The following FGF14 variants were observed in gnomAD, a reference collection of about 807,000 sequenced individuals.
The protein encoded by FGF14 is fibroblast growth factor homologous factor 4.
In FGF14, 5 loss-of-function variants were observed where a neutral mutation model predicts 25.5. That is an observed-to-expected ratio of 0.20 (90% CI 0.10 to 0.41). The LOEUF is 0.41. FGF14 is among the 10% of genes least tolerant of loss of function. The pLI, the probability that FGF14 is intolerant of heterozygous loss-of-function variation, is 1.00. For missense variants in FGF14, 222 were observed against 320.1 expected (o/e 0.69, Z 2.34); for synonymous variants, 138 against 118.3 (o/e 1.17, Z -1.08).
chr13:101,796,449 T>C (rs2040527582), intron 3 of FGF14, among the ~76,000 whole-genome samples: 1 of 151,964 alleles, frequency 6.6e-6, no homozygotes, highest in Admixed American at 6.6e-5. Context: ...TATTTTGTTT[T>C]TGTGGCCTCT....
intron 1 of FGF14, among the ~76,000 whole-genome samples, chr13:102,015,797 G>GA (rs958591756): frequency 2.6e-5 from 4 of 151,678 alleles, no homozygotes; most frequent in Non-Finnish European, 4.4e-5. Flanking sequence ...TACCTAAATA[G>GA]AAAAAAAATC....
At chr13:101,911,239 G>A (rs962795461) in intron 1 of FGF14, among the ~76,000 whole-genome samples, 2 of 152,046 alleles carry the variant, frequency 1.3e-5, no homozygotes, top group African/African-American at 2.4e-5. Flanking sequence ...GGGGCTAAAT[G>A]TAAAAGTATT....
chr13:102,179,554 C>T (rs1371220874), intron 1 of FGF14, among the ~76,000 whole-genome samples: 1 of 152,072 alleles, frequency 6.6e-6, no homozygotes, highest in Non-Finnish European at 1.5e-5. Context: ...TTATATAATG[C>T]TTATTATGCA....
chr13:102,203,794 A>C (rs2049781162), intron 1 of FGF14, among the ~76,000 whole-genome samples: 1 of 152,316 alleles, frequency 6.6e-6, no homozygotes, highest in African/African-American at 2.4e-5. Context: ...TTTGACACCA[A>C]TTTGCATTAG....
chr13:102,209,107 AG>A (rs1178384536), intron 1 of FGF14, among the ~76,000 whole-genome samples: 1 of 152,212 alleles, frequency 6.6e-6, no homozygotes, highest in East Asian at 1.9e-4. Flanking sequence ...GACTGGGTGG[AG>A]GGGAAAGCTC....
intron 1 of FGF14, among the ~76,000 whole-genome samples, chr13:102,058,342 G>T (rs368417963): frequency 1.8e-4 from 28 of 152,274 alleles, no homozygotes; most frequent in African/African-American, 6.3e-4. Context: ...CACAAAGAAG[G>T]CATCTAGTTT....
chr13:102,034,516 C>T (rs182143684), intron 1 of FGF14, among the ~76,000 whole-genome samples: 1 of 152,230 alleles, frequency 6.6e-6, no homozygotes, highest in Admixed American at 6.5e-5. Context: ...CCGACTAGAG[C>T]TGCAATGAAG....
intron 1 of FGF14, among the ~76,000 whole-genome samples, chr13:102,221,604 G>T (rs1230312961): frequency 7.9e-6 from 1 of 126,526 alleles, no homozygotes; most frequent in Non-Finnish European, 1.6e-5. Context: ...TGATATGAAT[G>T]ACATCACACA....
chr13:101,758,728 T>G (rs530427559), intron 3 of FGF14, among the ~76,000 whole-genome samples: 1 of 152,268 alleles, frequency 6.6e-6, no homozygotes, highest in South Asian at 2.1e-4. Flanking sequence ...GGATGTAACA[T>G]CCTACAGGAA....
chr13:102,237,347 G>T (rs1016405949), intron 1 of FGF14, among the ~76,000 whole-genome samples: 2 of 152,176 alleles, frequency 1.3e-5, no homozygotes, highest in African/African-American at 4.8e-5. Context: ...GTAGGGGATT[G>T]AGCCGGGTAT....
chr13:102,178,106 C>T (rs532949741), intron 1 of FGF14, among the ~76,000 whole-genome samples: 15 of 152,178 alleles, frequency 9.9e-5, no homozygotes, highest in African/African-American at 3.6e-4. Flanking sequence ...GACCAGCTCC[C>T]TCATATCCCA....
intron 1 of FGF14, among the ~76,000 whole-genome samples, chr13:101,956,420 CA>C (rs2036517933): frequency 6.6e-6 from 1 of 152,010 alleles, no homozygotes; most frequent in Non-Finnish European, 1.5e-5. Flanking sequence ...TGAATTTGCC[CA>C]ACATCTATAT....
intron 1 of FGF14, among the ~76,000 whole-genome samples, chr13:102,208,129 A>G (rs549683863): frequency 6.6e-6 from 1 of 152,340 alleles, no homozygotes; most frequent in East Asian, 1.9e-4. Context: ...AAGGCAACAC[A>G]TAGCCAGCAA....
intron 1 of FGF14, among the ~76,000 whole-genome samples, chr13:102,062,779 A>G (rs2042744639): frequency 6.6e-6 from 1 of 152,188 alleles, no homozygotes; most frequent in Non-Finnish European, 1.5e-5. Context: ...TCAGACCATT[A>G]TGGAATATAC....
At chr13:102,396,436 A>C (rs1384235017) in intron 1 of FGF14, among the ~76,000 whole-genome samples, 1 of 152,228 alleles carries the variant, frequency 6.6e-6, no homozygotes, top group African/African-American at 2.4e-5. Context: ...GTATGAGTCA[A>C]TTTGAGTGAG....
chr13:101,846,778 A>G (rs539881717), intron 3 of FGF14, among the ~76,000 whole-genome samples: 1 of 152,050 alleles, frequency 6.6e-6, no homozygotes, highest in African/African-American at 2.4e-5. Flanking sequence ...GTGTAAGTTC[A>G]TGGCTTTAAA....
At chr13:101,997,964 AT>A (rs2139711289) in intron 1 of FGF14, among the ~76,000 whole-genome samples, 1 of 152,290 alleles carries the variant, frequency 6.6e-6, no homozygotes, top group South Asian at 2.1e-4. Context: ...AGTGAAGCAA[AT>A]GAATGTATCT....
chr13:101,983,059 C>A (rs1487031773), intron 1 of FGF14, among the ~76,000 whole-genome samples: 4 of 149,134 alleles, frequency 2.7e-5, no homozygotes, highest in Admixed American at 6.6e-5. Flanking sequence ...GTACTGCCAG[C>A]AGTTGATATG....
intron 1 of FGF14, among the ~76,000 whole-genome samples, chr13:102,161,651 A>C (rs868298165): frequency 7.2e-5 from 1 of 13,836 alleles, no homozygotes; most frequent in Non-Finnish European, 1.4e-4. Context: ...AAGAAGAAGA[A>C]GAAGAAGAAG....
Sources: allele counts gnomAD v4.1 joint callset (sites outside exome capture counted in the v4.1 genomes callset), GRCh38; gene constraint gnomAD v4.1.1; transcripts MANE v1.5; gene names NCBI Gene and HGNC (gene_info 2026-07-23, HGNC 2026-07-21).